UBR3: variants seen among roughly 807,000 people sequenced by gnomAD.
The protein encoded by UBR3 is E3 ubiquitin-protein ligase UBR3.
A neutral mutation model predicts 243.2 loss-of-function variants in UBR3; 85 were observed. The ratio of observed to expected loss-of-function variants is 0.35; its 90% CI spans 0.29 to 0.42. UBR3 has a LOEUF of 0.42. Among genes scored for constraint, UBR3 ranks in the 10% least tolerant of loss-of-function variants. The probability of loss-of-function intolerance (pLI) is 1.00; values close to 1 mark genes in which losing one functional copy is unlikely to be tolerated. For synonymous variants in UBR3, 748 were observed against 799.8 expected (o/e 0.94, Z 1.09); for missense variants, 1,686 against 2,300.8 (o/e 0.73, Z 5.47).
In UBR3 at chr2:169,956,226, A is replaced by C. The variant is rs567062725; in HGVS notation, c.3546-2212A>C. ...TAACTCTCTCTCTCTCTCTCTCTCT[A>C]TCTGTGTATCTATCTATCTGGATAG... On this transcript the variant is annotated intron_variant, in intron 23 of 38. Coordinates refer to ENST00000272793, the MANE Select transcript of UBR3 (RefSeq NM_172070.4). 3.9e-3 allele frequency among the ~76,000 whole-genome samples: 544 copies of C among 140,228 alleles called. 2 individuals carry two copies. The highest frequency in any genetic ancestry group is 6.1e-3 in the Non-Finnish European group (388 of 63,734). The allele number at this position is 140,228 out of a possible 152,430, so 92.0% of individuals were successfully genotyped here. A position where few individuals can be genotyped will look rare whatever the true frequency, so the allele number is the denominator to read the frequency against.
intron 26 of UBR3, among the ~76,000 whole-genome samples, chr2:169,998,570 T>C (rs901266221): frequency 6.6e-6 from 1 of 152,210 alleles, no homozygotes; most frequent in Non-Finnish European, 1.5e-5. Context: ...TGTAGATGCT[T>C]ACTGGGTTTC....
chr2:169,938,962 C>T (rs2086457695), intron 19 of UBR3, among the ~76,000 whole-genome samples: 1 of 151,892 alleles, frequency 6.6e-6, no homozygotes, highest in South Asian at 2.1e-4. Flanking sequence ...CTTAAAACTA[C>T]ACATTCACTT....
intron 1 of UBR3, among the ~76,000 whole-genome samples, chr2:169,843,299 C>A (rs952535904): frequency 9.2e-5 from 14 of 152,284 alleles, no homozygotes; most frequent in South Asian, 8.3e-4. Context: ...TATTTGGGAT[C>A]TGGTGAGGGC....
intron 5 of UBR3, among the ~76,000 whole-genome samples, chr2:169,885,641 A>G (rs538609451): frequency 1.3e-5 from 2 of 152,226 alleles, no homozygotes; most frequent in East Asian, 3.9e-4. Context: ...TCCAAAGATT[A>G]TCACTGTTTA....
chr2:169,851,236 C>T (rs1050397622), intron 1 of UBR3, among the ~76,000 whole-genome samples: 1 of 152,156 alleles, frequency 6.6e-6, no homozygotes, highest in Non-Finnish European at 1.5e-5. Context: ...GTGATTATCT[C>T]ACCTCAGCCT....
chr2:170,027,593 G>A (rs921438566), intron 30 of UBR3, among the ~76,000 whole-genome samples: 1 of 151,686 alleles, frequency 6.6e-6, no homozygotes, highest in Non-Finnish European at 1.5e-5. Flanking sequence ...CTTCATCTTG[G>A]TAGGAGATAT....
chr2:169,927,106 T>C (rs879067108), intron 16 of UBR3, 135 bp downstream of exon 16: 2 of 1,174,116 alleles, frequency 1.7e-6, no homozygotes, highest in Non-Finnish European at 1.2e-6. Context: ...ACTCTTGATA[T>C]GTTGTACTGT....
chr2:169,921,166 G>A (rs766653204), intron 11 of UBR3, among the ~76,000 whole-genome samples: 3 of 152,156 alleles, frequency 2.0e-5, no homozygotes, highest in Non-Finnish European at 2.9e-5. Flanking sequence ...ATATTGAGGA[G>A]GATTGAGTTT....
At chr2:169,833,030 A>C (rs928380464) in intron 1 of UBR3, among the ~76,000 whole-genome samples, 1 of 152,198 alleles carries the variant, frequency 6.6e-6, no homozygotes, top group African/African-American at 2.4e-5. Flanking sequence ...TATGGTATAC[A>C]TAGGAGACTG....
intron 19 of UBR3, among the ~76,000 whole-genome samples, chr2:169,941,950 C>CT (rs1468273873): frequency 2.0e-5 from 3 of 152,190 alleles, no homozygotes; most frequent in Non-Finnish European, 2.9e-5. Flanking sequence ...AGTTCTATCT[C>CT]TGAGCCTTGT....
intron 36 of UBR3, chr2:170,077,951 TC>T (rs2091844720): frequency 7.1e-5 from 40 of 563,096 alleles, no homozygotes; most frequent in South Asian, 6.4e-4. Flanking sequence ...AGAGGGACTT[TC>T]CATTTTCCTG....
chr2:169,912,917 T>C (rs2085309408), intron 10 of UBR3, among the ~76,000 whole-genome samples: 2 of 151,948 alleles, frequency 1.3e-5, no homozygotes, highest in Admixed American at 6.6e-5. Context: ...CCCAAGTAGA[T>C]AGGACTATAA....
In UBR3 at chr2:169,905,114, A is replaced by G. The variant is rs2084967678; in HGVS notation, c.1466A>G (p.Asp489Gly). 6.9e-7 allele frequency: 1 copy of G among 1,450,542 alleles called. No individual in the cohort carries two copies. Among genetic ancestry groups the G allele is most frequent in the South Asian group, 1.6e-5 (1 of 63,538 alleles). The allele number at this position is 1,450,542 out of a possible 1,614,324, so 89.9% of individuals were successfully genotyped here. Residue 489 changes from aspartate to glycine, a missense_variant and splice_region_variant, in exon 9 of 39, where the codon GAT becomes GGT. This residue lies in a region of UBR3 where 346 missense variants were observed against 585.8 expected (regional missense o/e 0.59). Transcript: ENST00000272793. ...ESCLIKSELQ[D>G]EENSLHVVVN... is the part of the protein sequence containing the mutation. The stretch of plus-strand genomic sequence containing the variant: ...TTGGGTTGTGTGTGTCTTTTTTTAG[A>G]TGAAGAAAATAGTTTACATGTGGTA...
At chr2:170,015,186 G>C in intron 29 of UBR3, 95 bp from the exon 30 acceptor site, 1 of 1,033,272 alleles carries the variant, frequency 9.7e-7, no homozygotes, top group Non-Finnish European at 1.4e-6. Context: ...TAAAGTTGAA[G>C]AACTTTATTT....
rs373570333 is a variant in UBR3 at position 169,999,287 on chromosome 2, C to G, written c.3919-2017C>G. ...ACATAAAACAAAGATGAGCAGGCCTCCTGTTGTTTTTCTGATTTGTAACAG... is the reference window on the plus strand; with the variant it reads ...ACATAAAACAAAGATGAGCAGGCCTGCTGTTGTTTTTCTGATTTGTAACAG... On this transcript the variant is annotated intron_variant, in intron 26 of 38. Transcript: ENST00000272793. Among the ~76,000 whole-genome samples the G allele has an allele frequency of 2.6e-5, 4 of 152,234 alleles. No individual in the cohort carries two copies. In the East Asian group the frequency reaches 7.7e-4, roughly 29 times the overall value.
intron 30 of UBR3, among the ~76,000 whole-genome samples, chr2:170,024,895 C>T (rs966369547): frequency 1.3e-5 from 2 of 152,066 alleles, no homozygotes; most frequent in African/African-American, 4.8e-5. Flanking sequence ...CGCATGGGAA[C>T]CAGCATGGGA....
At chr2:170,048,123 G>A (rs575767746) in intron 32 of UBR3, among the ~76,000 whole-genome samples, 3 of 152,278 alleles carry the variant, frequency 2.0e-5, no homozygotes, top group Admixed American at 6.5e-5. Flanking sequence ...GGTTGATAAG[G>A]GAGGGGCACA....
intron 1 of UBR3, among the ~76,000 whole-genome samples, chr2:169,854,160 C>A (rs1458950164): frequency 6.6e-6 from 1 of 152,072 alleles, no homozygotes; most frequent in East Asian, 1.9e-4. Flanking sequence ...ACATTCTGCA[C>A]ATGTATCCCA....
chr2:170,034,745 C>T (rs1231634673), intron 31 of UBR3, among the ~76,000 whole-genome samples: 4 of 151,894 alleles, frequency 2.6e-5, no homozygotes, highest in Non-Finnish European at 5.9e-5. Flanking sequence ...TGAGAAACCA[C>T]CAAACTGTTT....
Sources: gnomAD v4.1 joint callset for allele counts (sites outside exome capture counted in the v4.1 genomes callset) on GRCh38, gnomAD v4.1.1 for gene constraint, gnomAD v4.1.1 regional missense constraint, MANE v1.5 for transcripts, NCBI Gene and HGNC (gene_info 2026-07-23, HGNC 2026-07-21) for gene names.